The following PTPN14 variants were observed in gnomAD, a reference collection of about 807,000 sequenced individuals.
PTPN14 encodes the protein protein tyrosine phosphatase non-receptor type 14.
Under a neutral mutation model 126.8 loss-of-function variants are expected in PTPN14, and 53 were observed. The observed-to-expected ratio is 0.42, with a 90% confidence interval of 0.34 to 0.53. The LOEUF is 0.53. Among genes scored for constraint, PTPN14 ranks in the 20% least tolerant of loss-of-function variants. The pLI is 0.08. For missense variants in PTPN14, 1,257 were observed against 1,552.9 expected (o/e 0.81, Z 3.20); for synonymous variants, 630 against 599.3 (o/e 1.05, Z -0.75).
chr1:214,505,078 T>C (rs1654801685), intron 1 of PTPN14, among the ~76,000 whole-genome samples: 1 of 151,926 alleles, frequency 6.6e-6, no homozygotes, highest in South Asian at 2.1e-4. Context: ...GGAAAGATCC[T>C]GACAAGCAGT....
chr1:214,479,533 T>C lies in PTPN14; in HGVS notation c.-154-14576A>G, dbSNP rs541902843. 4.6e-5 allele frequency among the ~76,000 whole-genome samples: 7 copies of C among 152,036 alleles called. 1 individual carries two copies. Among genetic ancestry groups the C allele is most frequent in the African/African-American group, 1.7e-4 (7 of 41,460 alleles). ...TTTTGTATTTTTAGTGGAGATAGGGTTTCACCATGTTGGCCAGGCTGGTCT... is the reference window on the plus strand; with the variant it reads ...TTTTGTATTTTTAGTGGAGATAGGGCTTCACCATGTTGGCCAGGCTGGTCT... On this transcript the variant is annotated intron_variant, in intron 1 of 18. Transcript: ENST00000366956.
In PTPN14 at chr1:214,393,669, TC is replaced by T. The variant is rs754475931; in HGVS notation, c.929+25del. ...AATTTAATCTGACAAAGCCATCAAG[TC>T]GGGGGGGATTAAATGTTTACTTACT... On this transcript the variant is annotated intron_variant, in intron 10 of 18. Transcript: ENST00000366956. The T allele has an allele frequency of 1.7e-5, 24 of 1,412,000 alleles. No individual in the cohort carries two copies. The East Asian group carries it at 3.8e-4, about 22-fold the overall frequency. The allele number at this position is 1,412,000 out of a possible 1,614,324, so 87.5% of individuals were successfully genotyped here.
At chr1:214,533,035 G>T in intron 1 of PTPN14, 1 of 748,960 alleles carries the variant, frequency 1.3e-6, no homozygotes, top group South Asian at 1.4e-5. Context: ...CACCCAGTCC[G>T]CCCAGGTTGG....
rs75879790 is a variant in PTPN14, at chr1:214,386,767, T to A, written c.1066+77A>T. On this transcript the variant is annotated intron_variant, in intron 12 of 18. Transcript: ENST00000366956. ...GAAAAGAAAGCATCCCTGTCATCTT[T>A]TTTTTAAAGCCTTCTTTACTGCTTA... The A allele has an allele frequency of 3.0e-4, 411 of 1,381,828 alleles. No homozygotes were observed. In the African/African-American group the frequency reaches 4.4e-3, roughly 15 times the overall value. 85.6% of individuals were successfully genotyped at this position (1,381,828 alleles called of 1,614,324 possible). A position where few individuals can be genotyped will look rare whatever the true frequency, so the allele number is the denominator to read the frequency against.
intron 3 of PTPN14, among the ~76,000 whole-genome samples, chr1:214,436,814 A>AAAG (rs1659930125): frequency 1.5e-4 from 2 of 13,356 alleles, no homozygotes; most frequent in Non-Finnish European, 1.7e-4. Context: ...AAAAAAAAAA[A>AAAG]GGTTTGTCAG....
chr1:214,396,126 G>C (rs1381302124), intron 8 of PTPN14, among the ~76,000 whole-genome samples: 1 of 152,170 alleles, frequency 6.6e-6, no homozygotes, highest in East Asian at 1.9e-4. Context: ...ATGTCTGCTA[G>C]AAGAATAAAA....
At chr1:214,491,317 C>T (rs961625683) in intron 1 of PTPN14, among the ~76,000 whole-genome samples, 7 of 152,276 alleles carry the variant, frequency 4.6e-5, no homozygotes, top group East Asian at 1.9e-4. Flanking sequence ...CTATCTACAG[C>T]GGCTGTGGGC....
At chr1:214,464,588 C>G in intron 2 of PTPN14, 42 bp downstream of exon 2, 1 of 1,599,220 alleles carries the variant, frequency 6.3e-7, no homozygotes, top group Non-Finnish European at 8.6e-7. Flanking sequence ...ATACCCAACA[C>G]GCATGCACGC....
intron 17 of PTPN14, among the ~76,000 whole-genome samples, chr1:214,366,766 G>A (rs534741212): frequency 6.6e-6 from 1 of 152,172 alleles, no homozygotes; most frequent in South Asian, 2.1e-4. Context: ...CAGCACTTTG[G>A]GAGGCCGAGG....
At chr1:214,376,500 C>A in intron 14 of PTPN14, 63 bp from the exon 15 acceptor site, 2 of 1,361,764 alleles carry the variant, frequency 1.5e-6, no homozygotes, top group Non-Finnish European at 2.1e-6. Flanking sequence ...ATGAAACAAC[C>A]AAATTTCTTT....
intron 3 of PTPN14, among the ~76,000 whole-genome samples, chr1:214,423,567 T>C (rs1401139849): frequency 6.6e-6 from 1 of 152,142 alleles, no homozygotes; most frequent in Non-Finnish European, 1.5e-5. Context: ...CAGTCTAAAT[T>C]TTGAAAATTT....
chr1:214,442,328 C>T (rs1660052791), intron 3 of PTPN14, among the ~76,000 whole-genome samples: 1 of 152,182 alleles, frequency 6.6e-6, no homozygotes, highest in South Asian at 2.1e-4. Context: ...CTTTGAGCAT[C>T]ATGTTGGTGC....
chr1:214,520,658 G>A (rs1383528274), intron 1 of PTPN14, among the ~76,000 whole-genome samples: 3 of 152,114 alleles, frequency 2.0e-5, no homozygotes, highest in African/African-American at 7.2e-5. Context: ...CAGGCTAAAT[G>A]CAATCTACAG....
chr1:214,392,234 G>A (rs886306394), intron 10 of PTPN14, among the ~76,000 whole-genome samples: 5 of 152,032 alleles, frequency 3.3e-5, no homozygotes, highest in African/African-American at 7.3e-5. Flanking sequence ...TTTTGAGAGC[G>A]TGCCCCAGGT....
At chr1:214,524,837 C>G (rs73077997) in intron 1 of PTPN14, among the ~76,000 whole-genome samples, 3,733 of 152,322 alleles carry the variant, frequency 0.025, 171 homozygotes, top group African/African-American at 0.086. Context: ...TCTCTTCTCT[C>G]TCTTGTCTAT....
chr1:214,512,459 A>G (rs1451529353), intron 1 of PTPN14, among the ~76,000 whole-genome samples: 1 of 152,134 alleles, frequency 6.6e-6, no homozygotes, highest in Non-Finnish European at 1.5e-5. Context: ...ACAAAAAGCC[A>G]CATTCTGTAT....
rs1237026174 is a variant in PTPN14 at position 214,487,637 on chromosome 1, A to T, written c.-154-22680T>A. Among the ~76,000 whole-genome samples, 10 of 152,250 alleles carry T rather than the reference A, an allele frequency of 6.6e-5. No homozygotes were observed. The East Asian group carries it at 1.9e-3, about 29-fold the overall frequency. On this transcript the variant is annotated intron_variant, in intron 1 of 18. Transcript: ENST00000366956. ...AGACAGAGCAAGACTCCGTCTCAAA[A>T]AAAAAAAAACGACTGTTACATCCAA...
At chr1:214,536,865 GT>G (rs1231556082) in intron 1 of PTPN14, among the ~76,000 whole-genome samples, 2 of 152,132 alleles carry the variant, frequency 1.3e-5, no homozygotes, top group African/African-American at 4.8e-5. Context: ...AGCAAAAACT[GT>G]GATTACTTTT....
At chr1:214,458,021 A>G (rs1297197232) in intron 2 of PTPN14, among the ~76,000 whole-genome samples, 8 of 150,480 alleles carry the variant, frequency 5.3e-5, no homozygotes, top group Admixed American at 4.0e-4. Context: ...ATCTATATCT[A>G]TATCTATATC....
Sources: gnomAD v4.1 joint callset for allele counts (sites outside exome capture counted in the v4.1 genomes callset) on GRCh38, gnomAD v4.1.1 for gene constraint, MANE v1.5 for transcripts, NCBI Gene and HGNC (gene_info 2026-07-23, HGNC 2026-07-21) for gene names.